Variants in CNGB3 observed in about 807,000 individuals in gnomAD.
CNGB3 encodes the protein cyclic nucleotide-gated channel beta-3.
CNGB3 carries 86 observed loss-of-function variants against 92.8 expected under a neutral mutation model. That is an observed-to-expected ratio of 0.93 (90% CI 0.78 to 1.11). CNGB3 has a LOEUF of 1.11. Ranked by LOEUF, CNGB3 falls within the 50% of genes least tolerant of loss-of-function variation. CNGB3 has a pLI of 0.00. For synonymous variants in CNGB3, 333 were observed against 332.7 expected (o/e 1.00, Z -0.01); for missense variants, 1,026 against 956.8 (o/e 1.07, Z -0.95).
At chr8:86,679,121 G>A (rs919540846) in intron 3 of CNGB3, among the ~76,000 whole-genome samples, 2 of 151,946 alleles carry the variant, frequency 1.3e-5, no homozygotes, top group Non-Finnish European at 2.9e-5. Flanking sequence ...GGTGCATTTT[G>A]AACATCTCAT....
chr8:86,642,102 G>A (rs1823199953), intron 10 of CNGB3, among the ~76,000 whole-genome samples: 1 of 151,230 alleles, frequency 6.6e-6, no homozygotes, highest in Non-Finnish European at 1.5e-5. Flanking sequence ...ACTTAACACT[G>A]AGCTTAACAC....
chr8:86,655,105 G>A (rs1351860714), intron 6 of CNGB3, among the ~76,000 whole-genome samples: 1 of 152,028 alleles, frequency 6.6e-6, no homozygotes, highest in African/African-American at 2.4e-5. Flanking sequence ...ACTGCTTAGT[G>A]GTCCTACACT....
intron 3 of CNGB3, among the ~76,000 whole-genome samples, chr8:86,684,392 G>T (rs1166846115): frequency 6.6e-6 from 1 of 152,064 alleles, no homozygotes; most frequent in Non-Finnish European, 1.5e-5. Flanking sequence ...ATACACTGCT[G>T]CTTGGAATGT....
chr8:86,672,604 C>T (rs553056608), intron 3 of CNGB3, among the ~76,000 whole-genome samples: 5 of 152,244 alleles, frequency 3.3e-5, no homozygotes, highest in African/African-American at 1.2e-4. Flanking sequence ...CTTCCCATCT[C>T]ACCTCCAAGT....
intron 3 of CNGB3, among the ~76,000 whole-genome samples, chr8:86,694,518 G>C (rs1248538736): frequency 6.6e-6 from 1 of 151,550 alleles, no homozygotes; most frequent in Non-Finnish European, 1.5e-5. Context: ...CGGCTGCCGG[G>C]TGGCGGGACT....
intron 3 of CNGB3, among the ~76,000 whole-genome samples, chr8:86,716,251 T>C (rs1242991331): frequency 3.3e-5 from 5 of 152,154 alleles, no homozygotes; most frequent in Admixed American, 3.3e-4. Context: ...CAAAGAATAA[T>C]TGGTGTTCCT....
At chr8:86,619,728 C>CTTT (rs71275868) in intron 13 of CNGB3, among the ~76,000 whole-genome samples, 17,303 of 73,502 alleles carry the variant, frequency 0.24, 2,336 homozygotes, top group Admixed American at 0.31. Context: ...TGGTCTTGAC[C>CTTT]TTTTTTTTTT....
At position 86,726,580 on chromosome 8, in the gene CNGB3, T is replaced by C. The variant is rs1351058142; in HGVS notation, c.289A>G (p.Thr97Ala). The change falls in exon 3 of 18, where the codon ACA becomes GCA. Residue 97 changes from threonine (T) to alanine (A), a missense_variant. Thr to Ala is a moderately conservative substitution (Grantham distance 58). Coordinates refer to ENST00000320005, the MANE Select transcript of CNGB3 (RefSeq NM_019098.5). ...TCCATTTCCTTCTGCTCTGGCACTGTTCCAGTTGGTTCTGCTGCATTTTGA... is the reference window on the plus strand; with the variant it reads ...TCCATTTCCTTCTGCTCTGGCACTGCTCCAGTTGGTTCTGCTGCATTTTGA... ...DPQNAAEPTG[T>A]VPEQKEMDPG... 2 of 1,613,816 alleles carry C rather than the reference T, an allele frequency of 1.2e-6. No individual in the cohort carries two copies. The highest frequency in any genetic ancestry group is 1.7e-6 in the Non-Finnish European group (2 of 1,179,830).
In CNGB3 at chr8:86,575,571, A is replaced by C; in HGVS notation, c.*233T>G. 2.2e-6 allele frequency: 1 copy of C among 464,518 alleles called. No individual in the cohort carries two copies. 28.8% of individuals were successfully genotyped at this position (464,518 alleles called of 1,614,324 possible). On this transcript the variant is annotated 3_prime_UTR_variant, in exon 18 of 18. Coordinates refer to ENST00000320005, the MANE Select transcript of CNGB3 (RefSeq NM_019098.5). Reference sequence around the variant, plus strand: ...AACTTACTACATACAATTAGAAGATATAGCAATTGCATAAAGTTAATGAAA... The same window carrying C: ...AACTTACTACATACAATTAGAAGATCTAGCAATTGCATAAAGTTAATGAAA...
intron 15 of CNGB3, among the ~76,000 whole-genome samples, chr8:86,596,819 A>G (rs796377174): frequency 1.5e-4 from 23 of 152,340 alleles, no homozygotes; most frequent in African/African-American, 5.3e-4. Context: ...AATGTGGCAC[A>G]TATGCACCAT....
At chr8:86,715,064 T>C (rs1039679359) in intron 3 of CNGB3, among the ~76,000 whole-genome samples, 2 of 152,046 alleles carry the variant, frequency 1.3e-5, no homozygotes, top group African/African-American at 4.8e-5. Context: ...CCCACTCCGT[T>C]TGCTGAAGAC....
At chr8:86,652,850 A>C (rs779278784) in intron 7 of CNGB3, among the ~76,000 whole-genome samples, 16 of 152,280 alleles carry the variant, frequency 1.1e-4, no homozygotes, top group East Asian at 9.6e-4. Flanking sequence ...TTCCGAAATA[A>C]CAATAAAGAG....
chr8:86,692,433 A>G (rs62525674), intron 3 of CNGB3, among the ~76,000 whole-genome samples: 43,227 of 151,960 alleles, frequency 0.28, 6,449 homozygotes, highest in East Asian at 0.4. Context: ...TATATTTAGG[A>G]TTGTGATATT....
intron 10 of CNGB3, among the ~76,000 whole-genome samples, chr8:86,639,770 C>A (rs1823145848): frequency 6.6e-6 from 1 of 152,032 alleles, no homozygotes; most frequent in Non-Finnish European, 1.5e-5. Flanking sequence ...AAAGAGGCTG[C>A]TTTTAAAAGC....
chr8:86,676,960 A>G (rs776019761), intron 3 of CNGB3, among the ~76,000 whole-genome samples: 1 of 152,212 alleles, frequency 6.6e-6, no homozygotes, highest in Non-Finnish European at 1.5e-5. Flanking sequence ...TACACTGATG[A>G]TGAATAAATC....
intron 6 of CNGB3, among the ~76,000 whole-genome samples, chr8:86,663,969 T>C (rs769245175): frequency 2.4e-4 from 37 of 152,366 alleles, no homozygotes; most frequent in South Asian, 4.1e-4. Flanking sequence ...TTTGTCATTT[T>C]CCATTTGTCA....
intron 7 of CNGB3, among the ~76,000 whole-genome samples, chr8:86,648,366 C>T (rs1420273150): frequency 6.6e-6 from 1 of 151,204 alleles, no homozygotes; most frequent in East Asian, 1.9e-4. Flanking sequence ...CTCTTCAATG[C>T]TTTCTACTCT....
Position 86,654,030 on chromosome 8 carries a change from C to A in CNGB3, c.885G>T (p.Arg295Ser), listed in dbSNP as rs1823455584. 2 of 1,602,642 alleles carry A rather than the reference C, an allele frequency of 1.2e-6. No individual in the cohort carries two copies. Among genetic ancestry groups the A allele is most frequent in the Non-Finnish European group, 8.5e-7 (1 of 1,169,922 alleles). The change falls in exon 7 of 18, where the codon AGG (arginine) becomes AGT (serine). Residue 295 changes from arginine to serine, a missense_variant. Coordinates refer to ENST00000320005, the MANE Select transcript of CNGB3 (RefSeq NM_019098.5). ...CACCTACCTGAAATTTTGTAGAAGT[C>A]CTGTAGTGTTTCCTTAGCTCATTTG... ...VDSNELRKHY[R>S]TSTKFQLDVA...
At chr8:86,665,371 A>T (rs920306613) in intron 6 of CNGB3, among the ~76,000 whole-genome samples, 3 of 152,224 alleles carry the variant, frequency 2.0e-5, no homozygotes, top group Non-Finnish European at 2.9e-5. Flanking sequence ...ATTTCTCAAA[A>T]AACTTAAAAC....
Sources: gnomAD v4.1 joint callset for allele counts (sites outside exome capture counted in the v4.1 genomes callset) on GRCh38, gnomAD v4.1.1 for gene constraint, MANE v1.5 for transcripts, NCBI Gene and HGNC (gene_info 2026-07-23, HGNC 2026-07-21) for gene names.